Variants in ZC3H6 observed in about 807,000 individuals in gnomAD.
ZC3H6 encodes zinc finger CCCH domain-containing protein 6.
Under a neutral mutation model 107.7 loss-of-function variants are expected in ZC3H6, and 40 were observed. That is an observed-to-expected ratio of 0.37 (90% CI 0.29 to 0.48). ZC3H6 has a LOEUF of 0.48. Ranked by LOEUF, ZC3H6 falls within the 20% of genes least tolerant of loss-of-function variation. The pLI is 0.98. For synonymous variants in ZC3H6, 493 were observed against 487.9 expected (o/e 1.01, Z -0.14); for missense variants, 1,267 against 1,410.4 (o/e 0.90, Z 1.63).
In ZC3H6 at chr2:112,323,485, A is replaced by G. The variant is rs180879106; in HGVS notation, c.1340+583A>G. On this transcript the variant is annotated intron_variant, in intron 9 of 11. Coordinates refer to ENST00000409871, the MANE Select transcript of ZC3H6 (RefSeq NM_198581.3). ...ATCACAATTCATTTGAACCATTAAA[A>G]GTATTTCTACTAATGTCAGGAAGAT... 1.2e-3 allele frequency among the ~76,000 whole-genome samples: 188 copies of G among 152,352 alleles called. 2 individuals are homozygous for G. The highest frequency in any genetic ancestry group is 2.5e-4 in the Non-Finnish European group (17 of 68,040).
intron 3 of ZC3H6, among the ~76,000 whole-genome samples, chr2:112,306,172 T>TTA: frequency 8.8e-6 from 1 of 113,916 alleles, no homozygotes; most frequent in Non-Finnish European, 1.7e-5. Flanking sequence ...AAGTCTGTAT[T>TTA]TCTTTTTTTT....
At chr2:112,320,212 C>T (rs577228925) in intron 7 of ZC3H6, among the ~76,000 whole-genome samples, 106 of 152,276 alleles carry the variant, frequency 7.0e-4, no homozygotes, top group African/African-American at 2.4e-3. Flanking sequence ...GGATTATAGG[C>T]GTGAGCCACT....
At chr2:112,302,948 T>C (rs565877136) in intron 2 of ZC3H6, among the ~76,000 whole-genome samples, 1 of 152,188 alleles carries the variant, frequency 6.6e-6, no homozygotes, top group Admixed American at 6.6e-5. Flanking sequence ...GTAGATCATT[T>C]TAGAGCATAG....
chr2:112,282,376 A>G (rs1452532724), intron 1 of ZC3H6, among the ~76,000 whole-genome samples: 2 of 152,208 alleles, frequency 1.3e-5, no homozygotes, highest in Non-Finnish European at 2.9e-5. Flanking sequence ...GCGATCAGAC[A>G]CAGGAATGTT....
At chr2:112,304,909 G>A (rs1676447976) in intron 3 of ZC3H6, among the ~76,000 whole-genome samples, 2 of 152,046 alleles carry the variant, frequency 1.3e-5, no homozygotes, top group Admixed American at 1.3e-4. Context: ...CTTTATAGTT[G>A]AGATTGCTAA....
chr2:112,331,620 C>T lies in ZC3H6; in HGVS notation c.2702C>T (p.Pro901Leu). 2 of 1,613,934 alleles carry T rather than the reference C, an allele frequency of 1.2e-6. No individual in the cohort carries two copies. Among genetic ancestry groups the T allele is most frequent in the South Asian group, 1.1e-5 (1 of 91,080 alleles). The change falls in exon 12 of 12, where the codon CCT becomes CTT. Residue 901 changes from proline (P) to leucine (L), a missense_variant. By Grantham distance (98) the Pro-to-Leu change is moderately conservative (BLOSUM62 -3). Transcript: ENST00000409871. ...KPDPVSSINL[P>L]LPPLIADQRL... The stretch of plus-strand genomic sequence containing the variant: ...GATCCAGTGTCTTCAATCAATTTAC[C>T]TCTGCCCCCACTTATAGCTGACCAG...
chr2:112,307,302 C>G (rs184394115), intron 3 of ZC3H6, among the ~76,000 whole-genome samples: 1 of 152,128 alleles, frequency 6.6e-6, no homozygotes. Flanking sequence ...AATTTAGCTT[C>G]TTTTTTCCTC....
chr2:112,293,923 T>C (rs1319764409), intron 1 of ZC3H6, among the ~76,000 whole-genome samples: 1 of 152,132 alleles, frequency 6.6e-6, no homozygotes, highest in East Asian at 1.9e-4. Flanking sequence ...ACATGAGTGG[T>C]GGGCACTCTG....
rs775266718 is a variant in ZC3H6 at position 112,331,139 on chromosome 2, A to G, written c.2221A>G (p.Thr741Ala). 7.3e-5 allele frequency: 118 copies of G among 1,613,638 alleles called. No individual in the cohort carries two copies. Among genetic ancestry groups the G allele is most frequent in the Non-Finnish European group, 1.2e-5 (14 of 1,179,792 alleles). Residue 741 changes from threonine to alanine, a missense_variant, in exon 12 of 12, where the codon ACT becomes GCT. This residue lies in a region of ZC3H6 where 925 missense variants were observed against 1,025.7 expected (regional missense o/e 0.90). Coordinates refer to ENST00000409871, the MANE Select transcript of ZC3H6 (RefSeq NM_198581.3). ...ACCTTCCACAGAACTCAGCACTCCT[A>G]CTGATCCAAGACTTGCTAAAGAGAA... ...QQPSTELSTPTDPRLAKEKSK... is the reference protein window; with the variant it reads ...QQPSTELSTPADPRLAKEKSK...
intron 1 of ZC3H6, among the ~76,000 whole-genome samples, chr2:112,282,310 G>T (rs1389367039): frequency 6.6e-6 from 1 of 152,198 alleles, no homozygotes; most frequent in Non-Finnish European, 1.5e-5. Flanking sequence ...CCGGAGTTGT[G>T]AAACACAGTG....
At position 112,295,918 on chromosome 2, in the gene ZC3H6, A is replaced by G. The variant is rs566017697; in HGVS notation, c.33-3931A>G. On this transcript the variant is annotated intron_variant, in intron 1 of 11. Transcript: ENST00000409871. Reference sequence around the variant, plus strand: ...AATAGCTCTAGTTAAAATGCTAAATATGAAGCAGTGATTTCCAGATGTAAT... The same window carrying G: ...AATAGCTCTAGTTAAAATGCTAAATGTGAAGCAGTGATTTCCAGATGTAAT... Among the ~76,000 whole-genome samples the G allele has an allele frequency of 2.6e-5, 4 of 152,306 alleles. No homozygotes were observed. In the East Asian group the frequency reaches 7.7e-4, roughly 29 times the overall value.
chr2:112,300,429 T>C (rs1676349906), intron 2 of ZC3H6, among the ~76,000 whole-genome samples: 1 of 152,208 alleles, frequency 6.6e-6, no homozygotes, highest in South Asian at 2.1e-4. Flanking sequence ...GGGCTCAAAC[T>C]GCTGGGCTCA....
In ZC3H6 at chr2:112,316,594, T is replaced by C; in HGVS notation, c.864+8T>C. 6.6e-7 allele frequency: 1 copy of C among 1,514,290 alleles called. No homozygotes were observed. The allele number at this position is 1,514,290 out of a possible 1,614,324, so 93.8% of individuals were successfully genotyped here. ...GAAGGGAGGTGTATTAAGGTAAATT[T>C]ATAGAGGTATCATAAGTCATTTTAA... is the stretch of plus-strand genomic sequence containing the variant. On this transcript the variant is annotated splice_region_variant and intron_variant, in intron 6 of 11. Coordinates refer to ENST00000409871, the MANE Select transcript of ZC3H6 (RefSeq NM_198581.3).
At chr2:112,295,181 G>A (rs1676209628) in intron 1 of ZC3H6, among the ~76,000 whole-genome samples, 1 of 151,952 alleles carries the variant, frequency 6.6e-6, no homozygotes. Flanking sequence ...TTTATTAACT[G>A]AACAGTTATT....
At position 112,324,954 on chromosome 2, in the gene ZC3H6, A is replaced by T; in HGVS notation, c.1853-10A>T. On this transcript the variant is annotated splice_polypyrimidine_tract_variant and intron_variant, in intron 10 of 11. Coordinates refer to ENST00000409871, the MANE Select transcript of ZC3H6 (RefSeq NM_198581.3). ...CTCAATGACTGTCTCTCCCCATGTT[A>T]TACATGTAGATGGGATGTGGCATGG... The T allele has an allele frequency of 6.3e-7, 1 of 1,585,174 alleles. No individual in the cohort carries two copies. Among genetic ancestry groups the T allele is most frequent in the Non-Finnish European group, 8.6e-7 (1 of 1,164,542 alleles).
At chr2:112,276,086 G>A in intron 1 of ZC3H6, 60 bp downstream of exon 1, 1 of 1,507,278 alleles carries the variant, frequency 6.6e-7, no homozygotes, top group South Asian at 1.2e-5. Flanking sequence ...GGGGCGGCGG[G>A]AGCGGGCCGG....
At chr2:112,314,199 T>TG (rs11386893) in intron 5 of ZC3H6, among the ~76,000 whole-genome samples, 98,899 of 151,674 alleles carry the variant, frequency 0.65, 34,175 homozygotes, top group African/African-American at 0.9. Context: ...ATTCTTGTAT[T>TG]TTTTTTTATT....
intron 1 of ZC3H6, among the ~76,000 whole-genome samples, chr2:112,285,776 C>T (rs1686595401): frequency 6.6e-6 from 1 of 152,000 alleles, no homozygotes; most frequent in Non-Finnish European, 1.5e-5. Context: ...GCCTGGCTAA[C>T]ATGGTGAAAC....
At chr2:112,328,993 TAAAC>T (rs974688926) in intron 11 of ZC3H6, among the ~76,000 whole-genome samples, 1 of 151,930 alleles carries the variant, frequency 6.6e-6, no homozygotes, top group Non-Finnish European at 1.5e-5. Flanking sequence ...TATGTTTTCA[TAAAC>T]AAAGATATTA....
Sources: allele counts gnomAD v4.1 joint callset (sites outside exome capture counted in the v4.1 genomes callset), GRCh38; gene constraint gnomAD v4.1.1; regional missense constraint gnomAD v4.1.1; transcripts MANE v1.5; gene names NCBI Gene and HGNC (gene_info 2026-07-23, HGNC 2026-07-21).